The following POMZP3 variants were observed in gnomAD, a reference collection of about 807,000 sequenced individuals.
POMZP3 encodes POM121 and ZP3 fusion, also known as POM121 and ZP3 fusion protein.
Under a neutral mutation model 19.8 loss-of-function variants are expected in POMZP3, and 10 were observed. The observed-to-expected ratio is 0.51, with a 90% CI of 0.31 to 0.86. POMZP3 has a LOEUF of 0.86. Among genes scored for constraint, POMZP3 ranks in the 40% least tolerant of loss-of-function variants. The probability of loss-of-function intolerance (pLI) is 0.04; values close to 1 mark genes in which losing one functional copy is unlikely to be tolerated. For missense variants in POMZP3, 152 were observed against 228.1 expected (o/e 0.67, Z 2.15); for synonymous variants, 57 against 85.8 (o/e 0.66, Z 1.85).
chr7:76,625,808 C>A (rs1275040334), intron 2 of POMZP3, 125 bp from the exon 3 acceptor site: 1 of 1,384,316 alleles, frequency 7.2e-7, no homozygotes, highest in African/African-American at 1.4e-5. Context: ...TTCCCCTTAG[C>A]AAGTAAAGCT....
Position 76,621,707 on chromosome 7 carries a change from G to C in POMZP3, c.228-3407C>G, listed in dbSNP as rs1223118252. ...TGTAATCCCAGCACTTTGGGAGGCT[G>C]AGGCGGGCGGATCACGAGGTCAGGA... is the stretch of plus-strand genomic sequence containing the variant. On this transcript the variant is annotated intron_variant, in intron 3 of 6. Coordinates refer to ENST00000310842, the MANE Select transcript of POMZP3 (RefSeq NM_012230.5). 2.0e-5 allele frequency among the ~76,000 whole-genome samples: 3 copies of C among 151,886 alleles called. No homozygotes were observed. The East Asian group carries it at 5.9e-4, about 30-fold the overall frequency.
intron 3 of POMZP3, among the ~76,000 whole-genome samples, chr7:76,622,503 C>T (rs1459705079): frequency 4.1e-5 from 6 of 146,396 alleles, no homozygotes; most frequent in East Asian, 2.0e-4. Context: ...CTCAGCCTCC[C>T]GAGTAGCTGG....
In POMZP3 at chr7:76,624,256, A is replaced by G. The variant is rs1432027901; in HGVS notation, c.227+1266T>C. ...GGCCGAAATTAGAAGGGGATTATTT[A>G]TAAGATTTTCGGCCAGGCGTGGTGG... On this transcript the variant is annotated intron_variant, in intron 3 of 6. Transcript: ENST00000310842. 2.1e-5 allele frequency among the ~76,000 whole-genome samples: 3 copies of G among 144,766 alleles called. No individual in the cohort carries two copies. In the Admixed American group the frequency reaches 2.1e-4, roughly 10 times the overall value. The allele number at this position is 144,766 out of a possible 152,430, so 95.0% of individuals were successfully genotyped here.
chr7:76,611,282 G>T (rs973873088), intron 6 of POMZP3, among the ~76,000 whole-genome samples, 172 bp downstream of exon 6: 1 of 151,878 alleles, frequency 6.6e-6, no homozygotes, highest in Non-Finnish European at 1.5e-5. Context: ...GGAAGGCTGA[G>T]AGCCCCCTCC....
Position 76,626,020 on chromosome 7 carries a change from T to C in POMZP3, c.45A>G (p.Arg15=). ...CTCACATCGCAGAACGCGAAAATCT[T>C]CTGTCAGGAGGGGCGATCCTCAGAG... The part of the protein sequence containing the change: ...PVTLRIAPPD[R]RFSRSAIPEQ... Residue 15 remains arginine, a synonymous_variant, in exon 2 of 7, where the codon AGA becomes AGG. Transcript: ENST00000310842. 6.2e-7 allele frequency: 1 copy of C among 1,613,822 alleles called. No homozygotes were observed. Among genetic ancestry groups the C allele is most frequent in the Non-Finnish European group, 8.5e-7 (1 of 1,179,768 alleles).
At chr7:76,618,767 T>C (rs1028820756) in intron 3 of POMZP3, among the ~76,000 whole-genome samples, 5 of 151,716 alleles carry the variant, frequency 3.3e-5, no homozygotes, top group Non-Finnish European at 7.4e-5. Context: ...CCCCAGAAGG[T>C]AGGGGGATAA....
intron 3 of POMZP3, among the ~76,000 whole-genome samples, chr7:76,620,807 T>TA (rs1205972594): frequency 3.4e-5 from 5 of 148,750 alleles, no homozygotes; most frequent in Non-Finnish European, 7.4e-5. Context: ...GGCTGGGACT[T>TA]ACATAAGATA....
chr7:76,618,458 C>G (rs762538573), intron 3 of POMZP3, 158 bp from the exon 4 acceptor site: 4 of 930,022 alleles, frequency 4.3e-6, no homozygotes, highest in Admixed American at 4.5e-5. Context: ...CTTGTCTCTA[C>G]TAAAAATACA....
chr7:76,622,606 C>T (rs1326114832), intron 3 of POMZP3, among the ~76,000 whole-genome samples: 1 of 151,530 alleles, frequency 6.6e-6, no homozygotes, highest in Non-Finnish European at 1.5e-5. Context: ...CCTCATGATC[C>T]ACCCGCCTTG....
At chr7:76,621,998 G>T (rs1382786950) in intron 3 of POMZP3, among the ~76,000 whole-genome samples, 1 of 135,162 alleles carries the variant, frequency 7.4e-6, no homozygotes, top group Non-Finnish European at 1.6e-5. Flanking sequence ...GAAGAAGCCG[G>T]TTAAAACCCA....
chr7:76,614,487 A>G, intron 4 of POMZP3, among the ~76,000 whole-genome samples: 1 of 77,462 alleles, frequency 1.3e-5, no homozygotes, highest in Non-Finnish European at 2.6e-5. Context: ...TGAACCTGGG[A>G]GATGGGAAGT....
intron 3 of POMZP3, among the ~76,000 whole-genome samples, chr7:76,618,960 G>C (rs189019707): frequency 6.6e-6 from 1 of 152,188 alleles, no homozygotes; most frequent in East Asian, 1.9e-4. Context: ...GCCGATTTTT[G>C]TATTTTTTGT....
At chr7:76,622,814 T>C (rs1466473651) in intron 3 of POMZP3, among the ~76,000 whole-genome samples, 1 of 151,892 alleles carries the variant, frequency 6.6e-6, no homozygotes, top group African/African-American at 2.4e-5. Flanking sequence ...GTGCTGGGAT[T>C]ATAGGCTTGA....
intron 3 of POMZP3, among the ~76,000 whole-genome samples, chr7:76,621,611 C>G (rs528641000): frequency 2.0e-5 from 3 of 151,852 alleles, no homozygotes; most frequent in South Asian, 2.1e-4. Context: ...GAGGTTGGCA[C>G]AAGATGCAGG....
At position 76,610,273 on chromosome 7, in the gene POMZP3, T is replaced by G. The variant is rs1815028709; in HGVS notation, c.*12-58A>C. ...CTTAGTCCCTAACCGGGAACTGGGTTGGAGGTTTTATTCTGCCTCAGTGGG... is the reference window on the plus strand; with the variant it reads ...CTTAGTCCCTAACCGGGAACTGGGTGGGAGGTTTTATTCTGCCTCAGTGGG... On this transcript the variant is annotated intron_variant, in intron 6 of 6. Coordinates refer to ENST00000310842, the MANE Select transcript of POMZP3 (RefSeq NM_012230.5). 5 of 1,611,778 alleles carry G rather than the reference T, an allele frequency of 3.1e-6. No homozygotes were observed. The East Asian group carries it at 1.1e-4, about 36-fold the overall frequency.
intron 2 of POMZP3, 156 bp downstream of exon 2, chr7:76,625,844 A>G (rs1699756166): frequency 7.4e-7 from 1 of 1,352,036 alleles, no homozygotes; most frequent in South Asian, 1.4e-5. Flanking sequence ...GCAAAAAGTG[A>G]AAAACAAACG....
intron 3 of POMZP3, among the ~76,000 whole-genome samples, chr7:76,622,374 GTTTTTTTT>G (rs757086256): frequency 1.6e-5 from 1 of 62,792 alleles, no homozygotes; most frequent in African/African-American, 7.5e-5. Context: ...TCATTCTCAA[GTTTTTTTT>G]TTTTTTTTTT....
rs941675065 is a variant in POMZP3, at chr7:76,619,559, T to C, written c.228-1259A>G. ...GGAAATATTCCTGGCAGGGGTTCTT[T>C]GTCTGAAATTTTCCGCCTAGAGATG... On this transcript the variant is annotated intron_variant, in intron 3 of 6. Transcript: ENST00000310842. 9.4e-5 allele frequency among the ~76,000 whole-genome samples: 14 copies of C among 149,394 alleles called. 1 individual carries two copies. In the South Asian group the frequency reaches 1.1e-3, roughly 11 times the overall value.
In POMZP3 at chr7:76,614,285, T is replaced by C. The variant is rs1485971405; in HGVS notation, c.346-2472A>G. ...GGTCTAGGCTGGGCGTGGTGGCTCA[T>C]GCCTGTAATCCCAGCACTTTGGGAG... On this transcript the variant is annotated intron_variant, in intron 4 of 6. Coordinates refer to ENST00000310842, the MANE Select transcript of POMZP3 (RefSeq NM_012230.5). Among the ~76,000 whole-genome samples the C allele has an allele frequency of 2.3e-5, 2 of 86,746 alleles. 1 individual carries two copies. The highest frequency in any genetic ancestry group is 4.9e-5 in the Non-Finnish European group (2 of 41,008). The allele number at this position is 86,746 out of a possible 152,430, so 56.9% of individuals were successfully genotyped here. A position where few individuals can be genotyped will look rare whatever the true frequency, so the allele number is the denominator to read the frequency against.
Sources: allele counts gnomAD v4.1 joint callset (sites outside exome capture counted in the v4.1 genomes callset), GRCh38; gene constraint gnomAD v4.1.1; transcripts MANE v1.5; gene names NCBI Gene and HGNC (gene_info 2026-07-23, HGNC 2026-07-21).